DNAJC16: variants seen among roughly 807,000 people sequenced by gnomAD.
DNAJC16 encodes dnaJ homolog subfamily C member 16.
Under a neutral mutation model 92.7 loss-of-function variants are expected in DNAJC16, and 76 were observed. That is an observed-to-expected ratio of 0.82 (90% confidence interval 0.68 to 0.99). The LOEUF (loss-of-function observed/expected upper bound fraction) is 0.99, where lower values mean the gene tolerates loss of function less well. DNAJC16 is among the 50% of genes least tolerant of loss of function. The pLI is 0.00. For synonymous variants in DNAJC16, 328 were observed against 358.7 expected, an observed-to-expected ratio of 0.91 and a Z score of 0.97; for missense variants, 869 against 942.4, an observed-to-expected ratio of 0.92 and a Z score of 1.02.
chr1:15,541,325 T>A (rs1324893622), intron 4 of DNAJC16, among the ~76,000 whole-genome samples: 2 of 152,202 alleles, frequency 1.3e-5, no homozygotes, highest in African/African-American at 2.4e-5. Flanking sequence ...ATTGACATTG[T>A]TCCATAGTTA....
At chr1:15,556,425 G>A (rs149093486) in intron 7 of DNAJC16, among the ~76,000 whole-genome samples, 3,792 of 152,166 alleles carry the variant, frequency 0.025, 75 homozygotes, top group Non-Finnish European at 0.038. Flanking sequence ...TTTAGTCGAG[G>A]AGGGGTTTCG....
chr1:15,557,944 C>G (rs1405960698), intron 7 of DNAJC16, among the ~76,000 whole-genome samples: 3 of 151,668 alleles, frequency 2.0e-5, no homozygotes, highest in Admixed American at 2.0e-4. Context: ...CAGGGTTTCA[C>G]TCCCGTTGCC....
rs367730740 is a variant in DNAJC16, at chr1:15,546,784, C to T, written c.777C>T (p.Tyr259=). The T allele has an allele frequency of 1.1e-5, 17 of 1,611,812 alleles. No homozygotes were observed. The highest frequency in any genetic ancestry group is 2.2e-5 in the South Asian group (2 of 90,400). The change falls in exon 6 of 15, where the codon TAC becomes TAT. Residue 259 remains tyrosine (Y), a synonymous_variant. Coordinates refer to ENST00000375847, the MANE Select transcript of DNAJC16 (RefSeq NM_015291.4). ...NLVEKVTNKN[Y]VRFLSGWQQE... ...AATTTAAGGTTACAAATAAAAATTA[C>T]GTCAGATTCCTCTCTGGCTGGCAGC...
intron 8 of DNAJC16, among the ~76,000 whole-genome samples, chr1:15,560,664 T>C (rs1194539203): frequency 6.6e-6 from 1 of 152,200 alleles, no homozygotes; most frequent in Admixed American, 6.5e-5. Flanking sequence ...GATTCCTTTA[T>C]AGTCTTAAGA....
chr1:15,547,736 C>G (rs935291063), intron 6 of DNAJC16, among the ~76,000 whole-genome samples: 2 of 152,172 alleles, frequency 1.3e-5, no homozygotes, highest in African/African-American at 4.8e-5. Context: ...GCCACCACGC[C>G]TGGCCACTAT....
At position 15,536,613 on chromosome 1, in the gene DNAJC16, T is replaced by C. The variant is rs1288524970; in HGVS notation, c.373T>C (p.Phe125Leu). The change falls in exon 4 of 15, where the codon TTT (phenylalanine) becomes CTT (leucine). Residue 125 changes from phenylalanine (F) to leucine (L), a missense_variant. Physicochemically the swap from Phe to Leu is conservative, Grantham distance 22. Transcript: ENST00000375847. Reference protein sequence around the residue: ...FHENFYFDESFFHFPFNSERR... With the variant: ...FHENFYFDESLFHFPFNSERR... Reference sequence around the variant, plus strand: ...TGAAAATTTTTATTTTGATGAATCCTTTTTTCACTTCCCTTTTAATTCTGA... The same window carrying C: ...TGAAAATTTTTATTTTGATGAATCCCTTTTTCACTTCCCTTTTAATTCTGA... 6.2e-7 allele frequency: 1 copy of C among 1,614,154 alleles called. No homozygotes were observed. The highest frequency in any genetic ancestry group is 8.5e-7 in the Non-Finnish European group (1 of 1,180,020).
At chr1:15,535,478 G>A (rs940717113) in intron 3 of DNAJC16, among the ~76,000 whole-genome samples, 1 of 152,162 alleles carries the variant, frequency 6.6e-6, no homozygotes, top group Non-Finnish European at 1.5e-5. Flanking sequence ...TGGACCCAGT[G>A]GCTGCTCACG....
At chr1:15,534,339 C>CT in intron 3 of DNAJC16, 36 bp downstream of exon 3, 1 of 1,606,166 alleles carries the variant, frequency 6.2e-7, no homozygotes, top group African/African-American at 1.3e-5. Context: ...TCCATTAGCT[C>CT]TTACAAAATA....
intron 7 of DNAJC16, among the ~76,000 whole-genome samples, chr1:15,559,012 T>A (rs1638631151): frequency 6.6e-6 from 1 of 152,180 alleles, no homozygotes; most frequent in Non-Finnish European, 1.5e-5. Context: ...TGATCTCGGC[T>A]CACTGCAACC....
chr1:15,549,904 A>G lies in DNAJC16; in HGVS notation c.1023+1476A>G, dbSNP rs564355191. ...TACAGTATATTGTTAGAATTGTTCT[A>G]TTTAAATATTGTTGTTGTTAATCTC... On this transcript the variant is annotated intron_variant, in intron 7 of 14. Transcript: ENST00000375847. Among the ~76,000 whole-genome samples the G allele has an allele frequency of 1.2e-3, 189 of 151,576 alleles. 2 individuals are homozygous for G. Among genetic ancestry groups the G allele is most frequent in the Middle Eastern group, 0.01 (3 of 292 alleles).
intron 7 of DNAJC16, among the ~76,000 whole-genome samples, chr1:15,552,966 C>T (rs1245512830): frequency 6.6e-6 from 1 of 151,820 alleles, no homozygotes; most frequent in African/African-American, 2.4e-5. Context: ...GACAGGGTTT[C>T]ACCATGTTGG....
At chr1:15,552,418 G>A (rs1169509992) in intron 7 of DNAJC16, among the ~76,000 whole-genome samples, 2 of 151,972 alleles carry the variant, frequency 1.3e-5, no homozygotes, top group South Asian at 2.1e-4. Flanking sequence ...GAACCTGGGA[G>A]GCGGGGGTTG....
intron 9 of DNAJC16, among the ~76,000 whole-genome samples, chr1:15,562,672 G>C (rs979954198): frequency 4.0e-5 from 6 of 151,416 alleles, no homozygotes; most frequent in Non-Finnish European, 7.4e-5. Flanking sequence ...TTTTTTTGTA[G>C]AGATAGGGTT....
At chr1:15,555,135 G>A (rs528244326) in intron 7 of DNAJC16, among the ~76,000 whole-genome samples, 32 of 150,462 alleles carry the variant, frequency 2.1e-4, no homozygotes, top group African/African-American at 7.8e-4. Flanking sequence ...TCGTACTTTT[G>A]GAGGCCGAGG....
At position 15,548,490 on chromosome 1, in the gene DNAJC16, TAAAC is replaced by T. The variant is rs568439827; in HGVS notation, c.1023+64_1023+67del. 160 of 1,495,382 alleles carry T rather than the reference TAAAC, an allele frequency of 1.1e-4. 1 individual carries two copies. In the South Asian group the frequency reaches 1.7e-3, roughly 16 times the overall value. 92.6% of individuals were successfully genotyped at this position (1,495,382 alleles called of 1,614,324 possible). A position where few individuals can be genotyped will look rare whatever the true frequency, so the allele number is the denominator to read the frequency against. ...ATTTTATCCCAAGATTTTATGTAAATAAACAGCAAAATTGAACAAAGTGGCTGAA... is the reference window on the plus strand; with the variant it reads ...ATTTTATCCCAAGATTTTATGTAAATAGCAAAATTGAACAAAGTGGCTGAA... On this transcript the variant is annotated intron_variant, in intron 7 of 14. Coordinates refer to ENST00000375847, the MANE Select transcript of DNAJC16 (RefSeq NM_015291.4).
chr1:15,554,832 T>C (rs1165314833), intron 7 of DNAJC16, among the ~76,000 whole-genome samples: 1 of 152,092 alleles, frequency 6.6e-6, no homozygotes, highest in Non-Finnish European at 1.5e-5. Context: ...AATACCTTCA[T>C]GATCTTGATA....
At chr1:15,545,457 G>T (rs531647495) in intron 5 of DNAJC16, among the ~76,000 whole-genome samples, 1 of 152,162 alleles carries the variant, frequency 6.6e-6, no homozygotes, top group African/African-American at 2.4e-5. Context: ...TCTCTTCTGT[G>T]CCCGGCATAG....
At chr1:15,528,388 C>G (rs1170857119) in intron 1 of DNAJC16, among the ~76,000 whole-genome samples, 2 of 151,990 alleles carry the variant, frequency 1.3e-5, no homozygotes, top group Non-Finnish European at 2.9e-5. Flanking sequence ...GAGCTGAGAT[C>G]CCATCATTGC....
chr1:15,560,929 A>G (rs1638676445), intron 8 of DNAJC16, among the ~76,000 whole-genome samples: 1 of 151,944 alleles, frequency 6.6e-6, no homozygotes, highest in Non-Finnish European at 1.5e-5. Flanking sequence ...TGAAAATGCA[A>G]ATCAGATCCA....
Sources: allele counts gnomAD v4.1 joint callset (sites outside exome capture counted in the v4.1 genomes callset), GRCh38; gene constraint gnomAD v4.1.1; transcripts MANE v1.5; gene names NCBI Gene and HGNC (gene_info 2026-07-23, HGNC 2026-07-21).